The following GRIA2 variants were observed in gnomAD, a reference collection of about 807,000 sequenced individuals.
The protein encoded by GRIA2 is glutamate ionotropic receptor AMPA type subunit 2, also known as glutamate receptor 2.
Under a neutral mutation model 97.3 loss-of-function variants are expected in GRIA2, and 14 were observed. The ratio of observed to expected loss-of-function variants is 0.14; its 90% CI spans 0.10 to 0.23. The LOEUF (loss-of-function observed/expected upper bound fraction) is 0.23. Ranked by LOEUF, GRIA2 falls within the 10% of genes least tolerant of loss-of-function variation. The pLI, the probability that GRIA2 is intolerant of heterozygous loss-of-function variation, is 1.00. For synonymous variants in GRIA2, 412 were observed against 387.8 expected, an observed-to-expected ratio of 1.06 and a Z score of -0.73; for missense variants, 558 against 1,069.8, an observed-to-expected ratio of 0.52 and a Z score of 6.67.
chr4:157,349,704 A>T (rs1210458699), intron 12 of GRIA2, among the ~76,000 whole-genome samples: 1 of 152,136 alleles, frequency 6.6e-6, no homozygotes, highest in African/African-American at 2.4e-5. Context: ...AGACTTTTAA[A>T]TTAGGATAGT....
At chr4:157,299,294 T>C (rs1011775233) in intron 2 of GRIA2, among the ~76,000 whole-genome samples, 5 of 152,082 alleles carry the variant, frequency 3.3e-5, no homozygotes, top group Non-Finnish European at 5.9e-5. Context: ...ATGGGGTTAA[T>C]GTCACAAGTT....
chr4:157,272,698 C>A (rs997052776), intron 2 of GRIA2, among the ~76,000 whole-genome samples: 1 of 152,076 alleles, frequency 6.6e-6, no homozygotes, highest in Admixed American at 6.6e-5. Flanking sequence ...TCATCTTAAC[C>A]AAAGCCTGCC....
At chr4:157,304,095 A>G (rs1733735312) in intron 3 of GRIA2, among the ~76,000 whole-genome samples, 2 of 152,244 alleles carry the variant, frequency 1.3e-5, no homozygotes, top group South Asian at 4.1e-4. Context: ...AGTCTATGAC[A>G]GCTATACTAC....
chr4:157,321,605 C>T lies in GRIA2; in HGVS notation c.882+6C>T. ...CTCACACAACAACAATTAAGGTTTG[C>T]TTTGGTTTCTGTCTTTTCTTTTTCT... On this transcript the variant is annotated splice_donor_region_variant and intron_variant, in intron 6 of 15. Coordinates refer to ENST00000264426, the MANE Select transcript of GRIA2 (RefSeq NM_001083619.3). 4 of 1,594,992 alleles carry T rather than the reference C, an allele frequency of 2.5e-6. No homozygotes were observed. Among genetic ancestry groups the T allele is most frequent in the Non-Finnish European group, 3.4e-6 (4 of 1,169,788 alleles).
At chr4:157,230,858 T>C (rs28373662) in intron 2 of GRIA2, among the ~76,000 whole-genome samples, 2,759 of 151,948 alleles carry the variant, frequency 0.018, 85 homozygotes, top group African/African-American at 0.062. Context: ...TATTTTATTT[T>C]ATTTTATTTC....
intron 6 of GRIA2, among the ~76,000 whole-genome samples, chr4:157,329,211 C>T (rs561036909): frequency 6.6e-6 from 1 of 151,666 alleles, no homozygotes; most frequent in Non-Finnish European, 1.5e-5. Flanking sequence ...TAAAATTTTT[C>T]TTATAGATTT....
In GRIA2 at chr4:157,364,092, G is replaced by C. The variant is rs369267716; in HGVS notation, c.*661G>C. 2 of 152,476 alleles carry C rather than the reference G, an allele frequency of 1.3e-5. No individual in the cohort carries two copies. The highest frequency in any genetic ancestry group is 4.8e-5 in the African/African-American group (2 of 41,412). 9.4% of individuals were successfully genotyped at this position (152,476 alleles called of 1,614,324 possible). ...CTGAGTGGGAAGTGAATAAAAAAAGGCTTTAGGTATCGATTCCATATTTTT... is the reference window on the plus strand; with the variant it reads ...CTGAGTGGGAAGTGAATAAAAAAAGCCTTTAGGTATCGATTCCATATTTTT... On this transcript the variant is annotated 3_prime_UTR_variant, in exon 16 of 16. Coordinates refer to ENST00000264426, the MANE Select transcript of GRIA2 (RefSeq NM_001083619.3).
intron 4 of GRIA2, among the ~76,000 whole-genome samples, chr4:157,315,678 G>T (rs1734284967): frequency 6.6e-6 from 1 of 152,056 alleles, no homozygotes; most frequent in East Asian, 1.9e-4. Flanking sequence ...GAGTAGCTGG[G>T]ATTACAGGCA....
At chr4:157,335,136 T>A (rs567262081) in intron 9 of GRIA2, 1 of 160,130 alleles carries the variant, frequency 6.2e-6, no homozygotes, top group Admixed American at 5.8e-5. Context: ...ACAGATGAAG[T>A]GAGACCTGAA....
chr4:157,220,666 GT>G, upstream of GRIA2: 1 of 265,280 alleles, frequency 3.8e-6, no homozygotes, highest in Non-Finnish European at 7.2e-6. Context: ...GTGTGTGTGT[GT>G]GTGTGTGCGC....
At chr4:157,324,579 G>A (rs1005070633) in intron 6 of GRIA2, among the ~76,000 whole-genome samples, 4 of 152,136 alleles carry the variant, frequency 2.6e-5, no homozygotes, top group African/African-American at 7.2e-5. Context: ...AGTTGCTTGG[G>A]GAAGTGCAAA....
chr4:157,265,592 C>T (rs925116797), intron 2 of GRIA2, among the ~76,000 whole-genome samples: 1 of 152,102 alleles, frequency 6.6e-6, no homozygotes, highest in Non-Finnish European at 1.5e-5. Context: ...CTGCTGCATT[C>T]TATTGGCTAA....
chr4:157,304,368 A>G (rs1281576940), intron 3 of GRIA2, among the ~76,000 whole-genome samples: 1 of 152,146 alleles, frequency 6.6e-6, no homozygotes. Context: ...TAATGGGATG[A>G]TTTTGAATAG....
intron 2 of GRIA2, among the ~76,000 whole-genome samples, chr4:157,302,647 G>A (rs1733665982): frequency 6.6e-6 from 1 of 152,132 alleles, no homozygotes; most frequent in Non-Finnish European, 1.5e-5. Flanking sequence ...GCCAGGCACA[G>A]GGCAAGCACA....
In GRIA2 at chr4:157,247,539, A is replaced by C. The variant is rs141647066; in HGVS notation, c.229+25732A>C. On this transcript the variant is annotated intron_variant, in intron 2 of 15. Coordinates refer to ENST00000264426, the MANE Select transcript of GRIA2 (RefSeq NM_001083619.3). The stretch of plus-strand genomic sequence containing the variant: ...ATTTTTGAATGTGGGGCACATACGT[A>C]ATCACACAAGAGGACTTGTCACATT... Among the ~76,000 whole-genome samples, 319 of 151,022 alleles carry C rather than the reference A, an allele frequency of 2.1e-3. 2 individuals are homozygous for C. The highest frequency in any genetic ancestry group is 3.2e-3 in the Non-Finnish European group (214 of 67,702).
intron 2 of GRIA2, among the ~76,000 whole-genome samples, chr4:157,230,272 A>G (rs1008617035): frequency 7.9e-5 from 12 of 152,126 alleles, no homozygotes; most frequent in African/African-American, 1.4e-4. Context: ...ATTTTTTTAT[A>G]TATATTATTT....
upstream of GRIA2, chr4:157,220,594 C>G (rs1201917475): frequency 6.5e-6 from 1 of 153,030 alleles, no homozygotes; most frequent in African/African-American, 2.4e-5. Context: ...GAGTCGCGCA[C>G]GCGCGCCCGG....
At chr4:157,270,049 A>T (rs192167277) in intron 2 of GRIA2, among the ~76,000 whole-genome samples, 1 of 152,236 alleles carries the variant, frequency 6.6e-6, no homozygotes, top group Admixed American at 6.5e-5. Flanking sequence ...GCTCTATTTA[A>T]AGTGATTTTG....
At chr4:157,341,139 A>C (rs1249220994) in intron 11 of GRIA2, 125 bp from the exon 12 acceptor site, 1 of 679,414 alleles carries the variant, frequency 1.5e-6, no homozygotes, top group African/African-American at 1.8e-5. Flanking sequence ...ATTAACTAGT[A>C]GATACATTGA....
Sources: allele counts gnomAD v4.1 joint callset (sites outside exome capture counted in the v4.1 genomes callset), GRCh38; gene constraint gnomAD v4.1.1; transcripts MANE v1.5; gene names NCBI Gene and HGNC (gene_info 2026-07-23, HGNC 2026-07-21).